The following ZFPM2 variants were observed in gnomAD, a reference collection of about 807,000 sequenced individuals.
ZFPM2 encodes zinc finger protein ZFPM2.
ZFPM2 carries 20 observed loss-of-function variants against 98.6 expected under a neutral mutation model. The observed-to-expected ratio is 0.20, with a 90% CI of 0.14 to 0.29. The LOEUF is 0.29. ZFPM2 is among the 10% of genes least tolerant of loss of function. The pLI is 1.00. For synonymous variants in ZFPM2, 518 were observed against 502.7 expected (o/e 1.03, Z -0.41); for missense variants, 1,310 against 1,388.6 (o/e 0.94, Z 0.90).
intron 3 of ZFPM2, among the ~76,000 whole-genome samples, chr8:105,527,794 A>G (rs1310481262): frequency 6.6e-6 from 1 of 152,196 alleles, no homozygotes; most frequent in Non-Finnish European, 1.5e-5. Context: ...TCTGTGTTTT[A>G]AAAAGATATA....
At chr8:105,731,767 A>C (rs1563540679) in intron 5 of ZFPM2, among the ~76,000 whole-genome samples, 1 of 151,794 alleles carries the variant, frequency 6.6e-6, no homozygotes, top group Non-Finnish European at 1.5e-5. Context: ...TCCAGATTTT[A>C]AAAAATCACT....
chr8:105,717,895 G>A (rs12334390), intron 5 of ZFPM2, among the ~76,000 whole-genome samples: 3 of 151,756 alleles, frequency 2.0e-5, no homozygotes, highest in Non-Finnish European at 4.4e-5. Flanking sequence ...CTGGTAAGTA[G>A]CTTGCTCATC....
At chr8:105,355,535 C>A (rs1812725113) in intron 1 of ZFPM2, among the ~76,000 whole-genome samples, 1 of 152,088 alleles carries the variant, frequency 6.6e-6, no homozygotes, top group South Asian at 2.1e-4. Context: ...ATTTACTGTG[C>A]CTTTTAACAA....
At chr8:105,601,272 C>A (rs1049555940) in intron 4 of ZFPM2, among the ~76,000 whole-genome samples, 4 of 152,068 alleles carry the variant, frequency 2.6e-5, no homozygotes, top group African/African-American at 9.7e-5. Context: ...TATGAAAACA[C>A]CAAGCCCAGT....
Position 105,651,736 on chromosome 8 carries a change from C to T in ZFPM2, c.532+17379C>T, listed in dbSNP as rs139958959. ...TTCACCTCTGTAACTCCACAGCCAG[C>T]GCACAGTATACACCCACTGAATTTT... On this transcript the variant is annotated intron_variant, in intron 5 of 7. Coordinates refer to ENST00000407775, the MANE Select transcript of ZFPM2 (RefSeq NM_012082.4). Among the ~76,000 whole-genome samples, 711 of 152,192 alleles carry T rather than the reference C, an allele frequency of 4.7e-3. 5 individuals are homozygous for T. Among genetic ancestry groups the T allele is most frequent in the Non-Finnish European group, 7.0e-3 (479 of 68,014 alleles).
Position 105,517,707 on chromosome 8 carries a change from CCACA to C in ZFPM2, c.302-43624_302-43621del, listed in dbSNP as rs1554613621. Among the ~76,000 whole-genome samples, 1,038 of 124,914 alleles carry C rather than the reference CCACA, an allele frequency of 8.3e-3. 11 individuals carry two copies. The highest frequency in any genetic ancestry group is 0.016 in the Middle Eastern group (4 of 244). 81.9% of individuals were successfully genotyped at this position (124,914 alleles called of 152,430 possible). A position where few individuals can be genotyped will look rare whatever the true frequency, so the allele number is the denominator to read the frequency against. ...CACACACACACCACACACACACACA[CCACA>C]CACACACACACACACACACACACAC... On this transcript the variant is annotated intron_variant, in intron 3 of 7. Coordinates refer to ENST00000407775, the MANE Select transcript of ZFPM2 (RefSeq NM_012082.4).
chr8:105,671,437 C>T (rs897704049), intron 5 of ZFPM2, among the ~76,000 whole-genome samples: 6 of 151,612 alleles, frequency 4.0e-5, no homozygotes, highest in South Asian at 2.1e-4. Flanking sequence ...TACAACATCT[C>T]GTGTTGTTTT....
intron 3 of ZFPM2, among the ~76,000 whole-genome samples, chr8:105,447,335 C>T (rs1447559624): frequency 6.7e-6 from 1 of 149,850 alleles, no homozygotes; most frequent in East Asian, 1.9e-4. Flanking sequence ...AAACCAAAAA[C>T]CTGTTCTCAC....
intron 3 of ZFPM2, among the ~76,000 whole-genome samples, chr8:105,523,877 G>A (rs1244006120): frequency 6.6e-6 from 1 of 152,168 alleles, no homozygotes; most frequent in Non-Finnish European, 1.5e-5. Flanking sequence ...GTGGTCAAAA[G>A]CAACTGGGAG....
At chr8:105,391,640 G>A (rs896279100) in intron 1 of ZFPM2, among the ~76,000 whole-genome samples, 3 of 152,192 alleles carry the variant, frequency 2.0e-5, no homozygotes, top group African/African-American at 7.2e-5. Context: ...ATGTGTACCA[G>A]AAGTAGATTC....
intron 1 of ZFPM2, chr8:105,319,665 G>C (rs1811982217): frequency 6.6e-6 from 1 of 152,368 alleles, no homozygotes; most frequent in African/African-American, 2.4e-5. Flanking sequence ...AGGACGCTCA[G>C]CCGAGCGGGG....
chr8:105,536,969 A>G (rs1018752860), intron 3 of ZFPM2, among the ~76,000 whole-genome samples: 1 of 152,200 alleles, frequency 6.6e-6, no homozygotes, highest in African/African-American at 2.4e-5. Flanking sequence ...GTAGGTCATC[A>G]CTGCCATAAA....
At chr8:105,629,607 T>C (rs1304205386) in intron 4 of ZFPM2, among the ~76,000 whole-genome samples, 2 of 152,134 alleles carry the variant, frequency 1.3e-5, no homozygotes, top group African/African-American at 4.8e-5. Context: ...AAAATCAAGG[T>C]GTCAGTCTTC....
chr8:105,794,866 G>A (rs1813741983), intron 6 of ZFPM2, among the ~76,000 whole-genome samples: 1 of 152,194 alleles, frequency 6.6e-6, no homozygotes, highest in Non-Finnish European at 1.5e-5. Context: ...AGGGTCCGTG[G>A]GCATAGGACC....
chr8:105,602,079 C>T (rs1816104837), intron 4 of ZFPM2, among the ~76,000 whole-genome samples: 1 of 152,080 alleles, frequency 6.6e-6, no homozygotes, highest in African/African-American at 2.4e-5. Context: ...ATAGCTCATA[C>T]TTGCATCTAC....
chr8:105,457,732 T>C (rs536928054), intron 3 of ZFPM2, among the ~76,000 whole-genome samples: 5 of 152,212 alleles, frequency 3.3e-5, no homozygotes, highest in Admixed American at 2.6e-4. Context: ...TTCCATAGCA[T>C]GTGTGGTAAA....
chr8:105,693,444 G>A (rs1429194042), intron 5 of ZFPM2, among the ~76,000 whole-genome samples: 1 of 152,146 alleles, frequency 6.6e-6, no homozygotes, highest in Non-Finnish European at 1.5e-5. Flanking sequence ...TTAATGCTGA[G>A]GTCTCAGCCA....
intron 4 of ZFPM2, among the ~76,000 whole-genome samples, chr8:105,579,825 G>C (rs1586476406): frequency 6.6e-6 from 1 of 151,762 alleles, no homozygotes; most frequent in East Asian, 1.9e-4. Flanking sequence ...CTCTTTATTT[G>C]TTTAATCTTT....
chr8:105,413,520 GCA>G (rs1811620912), intron 1 of ZFPM2, among the ~76,000 whole-genome samples: 1 of 119,740 alleles, frequency 8.4e-6, no homozygotes, highest in Non-Finnish European at 1.8e-5. Context: ...ACACACACAC[GCA>G]CATATATATA....
Sources: allele counts gnomAD v4.1 joint callset (sites outside exome capture counted in the v4.1 genomes callset), GRCh38; gene constraint gnomAD v4.1.1; transcripts MANE v1.5; gene names NCBI Gene and HGNC (gene_info 2026-07-23, HGNC 2026-07-21).